The following SLC39A9 variants were observed in gnomAD, a reference collection of about 807,000 sequenced individuals.
SLC39A9 encodes solute carrier family 39 member 9, also known as zinc transporter ZIP9.
A neutral mutation model predicts 28.4 loss-of-function variants in SLC39A9; 14 were observed. That is an observed-to-expected ratio of 0.49 (90% CI 0.33 to 0.77). The LOEUF is 0.77. Ranked by LOEUF, SLC39A9 falls within the 30% of genes least tolerant of loss-of-function variation. The pLI is 0.02. For synonymous variants in SLC39A9, 119 were observed against 149.6 expected (o/e 0.80, Z 1.49); for missense variants, 283 against 381.1 (o/e 0.74, Z 2.14).
intron 2 of SLC39A9, among the ~76,000 whole-genome samples, chr14:69,434,105 A>C (rs1884628253): frequency 7.3e-6 from 1 of 137,540 alleles, no homozygotes. Flanking sequence ...TTTTTGCGCG[A>C]CAGAGTCTTG....
chr14:69,438,209 C>T (rs978323507), intron 2 of SLC39A9, among the ~76,000 whole-genome samples: 24 of 150,654 alleles, frequency 1.6e-4, no homozygotes, highest in African/African-American at 5.1e-4. Flanking sequence ...TTAGCAGAGA[C>T]GGGGTTTCAC....
chr14:69,442,830 A>C (rs1338588018), intron 3 of SLC39A9, among the ~76,000 whole-genome samples: 1 of 152,222 alleles, frequency 6.6e-6, no homozygotes, highest in Non-Finnish European at 1.5e-5. Flanking sequence ...TTAAATTATG[A>C]GGTAGTCTGT....
chr14:69,404,120 A>G (rs1315690501), intron 1 of SLC39A9, among the ~76,000 whole-genome samples: 3 of 152,184 alleles, frequency 2.0e-5, no homozygotes, highest in African/African-American at 7.2e-5. Context: ...CAGCTACTCC[A>G]AATGCTGATG....
chr14:69,439,269 C>G (rs1368238427), intron 2 of SLC39A9, among the ~76,000 whole-genome samples: 1 of 152,054 alleles, frequency 6.6e-6, no homozygotes, highest in Admixed American at 6.6e-5. Flanking sequence ...CAACATGGCA[C>G]ATGTATACAT....
rs907200848 is a variant in SLC39A9, at chr14:69,461,803, A to G, written c.*3210A>G. On this transcript the variant is annotated 3_prime_UTR_variant, in exon 7 of 7. Coordinates refer to ENST00000336643, the MANE Select transcript of SLC39A9 (RefSeq NM_018375.5). Reference sequence around the variant, plus strand: ...CCGTATGACAGCAGCACAAACCCCCAAAGGATGTTCCTGCCTTGTGGGCCC... The same window carrying G: ...CCGTATGACAGCAGCACAAACCCCCGAAGGATGTTCCTGCCTTGTGGGCCC... 6.7e-7 allele frequency: 1 copy of G among 1,490,272 alleles called. No homozygotes were observed. The highest frequency in any genetic ancestry group is 1.4e-5 in the African/African-American group (1 of 71,886). 92.3% of individuals were successfully genotyped at this position (1,490,272 alleles called of 1,614,324 possible).
In SLC39A9 at chr14:69,461,659, C is replaced by T. The variant is rs1335699370; in HGVS notation, c.*3066C>T. On this transcript the variant is annotated 3_prime_UTR_variant, in exon 7 of 7. Coordinates refer to ENST00000336643, the MANE Select transcript of SLC39A9 (RefSeq NM_018375.5). ...ATTGTGTTTTTTTTTTACCAGCCTA[C>T]TTCTAAGTGTCACTGCCTGGTTTTT... is the stretch of plus-strand genomic sequence containing the variant. 5.9e-6 allele frequency: 9 copies of T among 1,535,236 alleles called. No individual in the cohort carries two copies. In the East Asian group the frequency reaches 2.0e-4, roughly 33 times the overall value.
intron 1 of SLC39A9, among the ~76,000 whole-genome samples, chr14:69,403,001 G>C (rs1839902216): frequency 1.3e-5 from 2 of 152,140 alleles, no homozygotes; most frequent in African/African-American, 4.8e-5. Flanking sequence ...AGAATTGCTT[G>C]AACCCAGGAG....
At chr14:69,453,386 G>A (rs1374000617) in intron 4 of SLC39A9, 77 bp downstream of exon 4, 11 of 1,372,774 alleles carry the variant, frequency 8.0e-6, no homozygotes, top group African/African-American at 2.9e-5. Flanking sequence ...TTCAGGGACC[G>A]TCCTCATTGA....
At chr14:69,429,984 G>A (rs1884407509) in intron 2 of SLC39A9, among the ~76,000 whole-genome samples, 1 of 152,038 alleles carries the variant, frequency 6.6e-6, no homozygotes, top group Non-Finnish European at 1.5e-5. Context: ...CTTTTCATAT[G>A]CTTAATTGCC....
In SLC39A9 at chr14:69,458,843, G is replaced by A. The variant is rs867864184; in HGVS notation, c.*250G>A. ...TTTTAAAAGGCCCTTGACATTTTGC[G>A]TTTTAATATTTCTCTTAACCCTATT... On this transcript the variant is annotated 3_prime_UTR_variant, in exon 7 of 7. Transcript: ENST00000336643. The A allele has an allele frequency of 1.5e-5, 18 of 1,233,666 alleles. No homozygotes were observed. The highest frequency in any genetic ancestry group is 3.4e-5 in the South Asian group (1 of 29,558). The allele number at this position is 1,233,666 out of a possible 1,614,324, so 76.4% of individuals were successfully genotyped here.
rs1886042074 is a variant in SLC39A9 at position 69,459,872 on chromosome 14, GATA to G, written c.*1286_*1288del. The G allele has an allele frequency of 2.2e-5, 22 of 985,102 alleles. No individual in the cohort carries two copies. Among genetic ancestry groups the G allele is most frequent in the Non-Finnish European group, 2.5e-5 (21 of 829,702 alleles). 61.0% of individuals were successfully genotyped at this position (985,102 alleles called of 1,614,324 possible). On this transcript the variant is annotated 3_prime_UTR_variant, in exon 7 of 7. Transcript: ENST00000336643. ...CCACTTCTCGAACTGTAATAATGAA[GATA>G]ATAATATCTTTATTCTTTATCCCCC... is the stretch of plus-strand genomic sequence containing the variant.
At chr14:69,410,761 T>C (rs1422821141) in intron 1 of SLC39A9, among the ~76,000 whole-genome samples, 2 of 152,228 alleles carry the variant, frequency 1.3e-5, no homozygotes, top group Non-Finnish European at 2.9e-5. Context: ...GCCTGTGATA[T>C]TTTATCTCTT....
At chr14:69,403,109 A>T (rs899223068) in intron 1 of SLC39A9, among the ~76,000 whole-genome samples, 1 of 151,628 alleles carries the variant, frequency 6.6e-6, no homozygotes, top group African/African-American at 2.4e-5. Context: ...AATAAATAAA[A>T]ATAAATAAAT....
In SLC39A9 at chr14:69,442,147, A is replaced by G. The variant is rs199978769; in HGVS notation, c.284A>G (p.His95Arg). 3.1e-6 allele frequency: 5 copies of G among 1,614,254 alleles called. No individual in the cohort carries two copies. The highest frequency in any genetic ancestry group is 1.1e-5 in the South Asian group (1 of 91,086). Residue 95 changes from histidine (H) to arginine (R), a missense_variant, in exon 3 of 7, where the codon CAT (histidine) becomes CGT (arginine). By Grantham distance (29) the His-to-Arg change is conservative. Transcript: ENST00000336643. ...GCAGAAAAATCAGTTGTCCATGAAC[A>G]TGAGCACAGCCACGACCACACACAG... ...KAAEKSVVHE[H>R]EHSHDHTQLH...
At chr14:69,416,718 A>G (rs371123140) in intron 1 of SLC39A9, among the ~76,000 whole-genome samples, 1 of 152,164 alleles carries the variant, frequency 6.6e-6, no homozygotes, top group Non-Finnish European at 1.5e-5. Context: ...TTCTCTGATG[A>G]CCAGTGATGA....
At chr14:69,414,937 A>G (rs1434050965) in intron 1 of SLC39A9, among the ~76,000 whole-genome samples, 1 of 152,228 alleles carries the variant, frequency 6.6e-6, no homozygotes, top group Non-Finnish European at 1.5e-5. Flanking sequence ...TCACTCAAAC[A>G]TCAGGAAAAT....
chr14:69,406,620 G>A (rs1399670985), intron 1 of SLC39A9, among the ~76,000 whole-genome samples: 2 of 150,928 alleles, frequency 1.3e-5, no homozygotes, highest in South Asian at 2.1e-4. Context: ...CCTTGGAGTC[G>A]GAGATTGCAG....
chr14:69,402,214 A>ATC (rs1392496152), intron 1 of SLC39A9, among the ~76,000 whole-genome samples: 2 of 151,624 alleles, frequency 1.3e-5, no homozygotes, highest in African/African-American at 4.8e-5. Flanking sequence ...ACACTAAGAT[A>ATC]GGTGATGAGC....
Position 69,461,594 on chromosome 14 carries a change from G to A in SLC39A9, c.*3001G>A, listed in dbSNP as rs1247900702. 4.6e-6 allele frequency: 7 copies of A among 1,519,752 alleles called. No homozygotes were observed. The highest frequency in any genetic ancestry group is 6.1e-6 in the Non-Finnish European group (7 of 1,138,570). 94.1% of individuals were successfully genotyped at this position (1,519,752 alleles called of 1,614,324 possible). A position where few individuals can be genotyped will look rare whatever the true frequency, so the allele number is the denominator to read the frequency against. On this transcript the variant is annotated 3_prime_UTR_variant, in exon 7 of 7. Coordinates refer to ENST00000336643, the MANE Select transcript of SLC39A9 (RefSeq NM_018375.5). ...ATTAGAGAAAAGAAAGGGAGTGGCT[G>A]TTTTGAGTTGTCCTTTCTTTGCAGA...
Sources: allele counts gnomAD v4.1 joint callset (sites outside exome capture counted in the v4.1 genomes callset), GRCh38; gene constraint gnomAD v4.1.1; transcripts MANE v1.5; gene names NCBI Gene and HGNC (gene_info 2026-07-23, HGNC 2026-07-21).